The following PRIMPOL variants were observed in gnomAD, a reference collection of about 807,000 sequenced individuals.
PRIMPOL encodes primase and DNA directed polymerase.
Under a neutral mutation model 63.6 loss-of-function variants are expected in PRIMPOL, and 54 were observed. That is an observed-to-expected ratio of 0.85 (90% confidence interval 0.68 to 1.07). The LOEUF is 1.07. Among genes scored for constraint, PRIMPOL ranks in the 50% least tolerant of loss-of-function variants. PRIMPOL has a pLI of 0.00. For missense variants in PRIMPOL, 610 were observed against 648.3 expected (o/e 0.94, Z 0.64); for synonymous variants, 197 against 220.2 (o/e 0.89, Z 0.93).
At chr4:184,694,301 C>A in intron 13 of PRIMPOL, 1 of 1,319,156 alleles carries the variant, frequency 7.6e-7, no homozygotes, top group Non-Finnish European at 9.7e-7. Context: ...TAGGTAATTT[C>A]AAATTTGGAG....
intron 11 of PRIMPOL, among the ~76,000 whole-genome samples, chr4:184,690,907 C>T (rs963366559): frequency 6.6e-6 from 1 of 152,052 alleles, no homozygotes; most frequent in Non-Finnish European, 1.5e-5. Flanking sequence ...TCTTAATTTC[C>T]AAATTATGGA....
intron 3 of PRIMPOL, among the ~76,000 whole-genome samples, chr4:184,658,816 G>A (rs977942915): frequency 6.6e-6 from 1 of 151,540 alleles, no homozygotes; most frequent in African/African-American, 2.4e-5. Flanking sequence ...GCTGAGGCAG[G>A]AGAATCGCTT....
chr4:184,662,569 A>G (rs938331887), intron 5 of PRIMPOL, among the ~76,000 whole-genome samples: 1 of 152,164 alleles, frequency 6.6e-6, no homozygotes, highest in Non-Finnish European at 1.5e-5. Context: ...GATTATTTCA[A>G]AAAAAATTTT....
In PRIMPOL at chr4:184,662,158, A is replaced by G. The variant is rs73873023; in HGVS notation, c.408+255A>G. On this transcript the variant is annotated intron_variant, in intron 5 of 13. Transcript: ENST00000314970. ...TGCTTTGAAAAAGATGTCAGTTTGA[A>G]AATTTTCTATATTTTAAAATTATAT... Among the ~76,000 whole-genome samples the G allele has an allele frequency of 6.9e-3, 1,047 of 152,266 alleles. 13 individuals are homozygous for G. The highest frequency in any genetic ancestry group is 0.024 in the African/African-American group (997 of 41,552).
intron 3 of PRIMPOL, among the ~76,000 whole-genome samples, chr4:184,658,232 G>C (rs1375500629): frequency 6.6e-6 from 1 of 151,682 alleles, no homozygotes; most frequent in Non-Finnish European, 1.5e-5. Flanking sequence ...CTCTAGTAAG[G>C]GTAGGCTTAC....
chr4:184,666,989 A>T (rs116663946), intron 6 of PRIMPOL, among the ~76,000 whole-genome samples: 2 of 152,346 alleles, frequency 1.3e-5, no homozygotes, highest in African/African-American at 4.8e-5. Flanking sequence ...CAAGAGTCCA[A>T]ACAGCAGATG....
At chr4:184,694,170 A>G (rs1181921181) in intron 13 of PRIMPOL, 10 of 1,001,364 alleles carry the variant, frequency 1.0e-5, no homozygotes, top group Non-Finnish European at 1.1e-5. Context: ...TACTAAGTCC[A>G]TTGTCAAGAT....
In PRIMPOL at chr4:184,657,373, T is replaced by C. The variant is rs1746767496; in HGVS notation, c.180+53T>C. 17 of 1,230,672 alleles carry C rather than the reference T, an allele frequency of 1.4e-5. No homozygotes were observed. In the African/African-American group the frequency reaches 1.9e-4, roughly 14 times the overall value. 76.2% of individuals were successfully genotyped at this position (1,230,672 alleles called of 1,614,324 possible). A position where few individuals can be genotyped will look rare whatever the true frequency, so the allele number is the denominator to read the frequency against. On this transcript the variant is annotated intron_variant, in intron 3 of 13. Transcript: ENST00000314970. ...TCCTCCTCTTCCACTTCCTCTTCTT[T>C]CTTCTTCTTCTTCATTATAATTTCA...
intron 10 of PRIMPOL, 33 bp from the exon 11 acceptor site, chr4:184,685,543 A>G (rs755150287): frequency 1.9e-6 from 3 of 1,593,642 alleles, no homozygotes; most frequent in Admixed American, 3.3e-5. Flanking sequence ...TGATAGAGTG[A>G]TAGTAGCTTT....
chr4:184,668,760 C>T (rs1004554326), intron 6 of PRIMPOL, among the ~76,000 whole-genome samples: 1 of 152,120 alleles, frequency 6.6e-6, no homozygotes, highest in Admixed American at 6.6e-5. Context: ...GAGGTCATTT[C>T]CTGTTTTCTT....
chr4:184,688,696 C>T lies in PRIMPOL; in HGVS notation c.1296-2803C>T, dbSNP rs139235508. 7.2e-5 allele frequency among the ~76,000 whole-genome samples: 11 copies of T among 152,304 alleles called. No homozygotes were observed. The East Asian group carries it at 1.2e-3, about 16-fold the overall frequency. On this transcript the variant is annotated intron_variant, in intron 11 of 13. Transcript: ENST00000314970. ...AAGTTGCACAGCTGGGTGACATTTC[C>T]GGAAAGCATGCCTCATAATGCATTG...
intron 1 of PRIMPOL, among the ~76,000 whole-genome samples, chr4:184,651,012 C>T (rs570404917): frequency 5.9e-5 from 9 of 151,676 alleles, no homozygotes; most frequent in Non-Finnish European, 1.3e-4. Flanking sequence ...GGTTAAGTCC[C>T]GGCGCGGTGG....
chr4:184,668,373 G>A (rs1750653103), intron 6 of PRIMPOL, among the ~76,000 whole-genome samples: 1 of 152,254 alleles, frequency 6.6e-6, no homozygotes, highest in Non-Finnish European at 1.5e-5. Flanking sequence ...GCTGGCTAGA[G>A]TGCGCTGATT....
Position 184,672,385 on chromosome 4 carries a change from G to C in PRIMPOL, c.769G>C (p.Glu257Gln). The stretch of plus-strand genomic sequence containing the variant: ...GAAACTGGAGAGGCTGGGGTCAGCT[G>C]AGCAAAGCAGTCCTGACCTTTCATT... ...SKKLERLGSA[E>Q]QSSPDLSFLV... The change falls in exon 7 of 14, where the codon GAG (glutamate) becomes CAG (glutamine). Residue 257 changes from glutamate to glutamine, a missense_variant. Glu to Gln is a conservative substitution (Grantham distance 29, BLOSUM62 2). Coordinates refer to ENST00000314970, the MANE Select transcript of PRIMPOL (RefSeq NM_152683.4). 6.2e-7 allele frequency: 1 copy of C among 1,614,114 alleles called. No homozygotes were observed.
intron 8 of PRIMPOL, among the ~76,000 whole-genome samples, chr4:184,680,770 A>G (rs1755415303): frequency 1.3e-5 from 2 of 152,216 alleles, no homozygotes; most frequent in Non-Finnish European, 2.9e-5. Flanking sequence ...AAAACTGCAC[A>G]TAAAACATTT....
rs377566132 is a variant in PRIMPOL, at chr4:184,691,713, G to C, written c.1425+1G>C. 5 of 1,608,390 alleles carry C rather than the reference G, an allele frequency of 3.1e-6. No homozygotes were observed. Among genetic ancestry groups the C allele is most frequent in the Non-Finnish European group, 3.4e-6 (4 of 1,176,804 alleles). On this transcript the variant is annotated splice_donor_variant, in intron 13 of 13. Transcript: ENST00000314970. LOFTEE classifies it high-confidence loss of function. ...ATGTCTCCTGTTTCTTTTCAAAGAG[G>C]TAAGTACAGATTTTAGTGTCTTTCT...
chr4:184,665,951 T>C lies in PRIMPOL; in HGVS notation c.443T>C (p.Val148Ala). Residue 148 changes from valine to alanine, a missense_variant, in exon 6 of 14, where the codon GTT becomes GCT. This residue lies in a region of PRIMPOL where 159 missense variants were observed against 168.9 expected (regional missense o/e 0.94). Coordinates refer to ENST00000314970, the MANE Select transcript of PRIMPOL (RefSeq NM_152683.4). ...AAAGCACTTCAAGAGTTATACGGTG[T>C]TAATTGCTCAGCTGAAGATGTTTTG... ...VCKALQELYG[V>A]NCSAEDVLNL... 4 of 1,608,800 alleles carry C rather than the reference T, an allele frequency of 2.5e-6. No individual in the cohort carries two copies. Among genetic ancestry groups the C allele is most frequent in the Non-Finnish European group, 3.4e-6 (4 of 1,176,768 alleles).
rs528097124 is a variant in PRIMPOL at position 184,657,405 on chromosome 4, T to TA, written c.180+95dup. The TA allele has an allele frequency of 5.8e-3, 5,509 of 946,414 alleles. 1 individual carries two copies. The highest frequency in any genetic ancestry group is 7.5e-3 in the South Asian group (309 of 41,248). The allele number at this position is 946,414 out of a possible 1,614,324, so 58.6% of individuals were successfully genotyped here. ...CTTCTTCATTATAATTTCAGTTCTT[T>TA]AAAAAAAAAAGTCTATTATTTGTCT... On this transcript the variant is annotated intron_variant, in intron 3 of 13. Transcript: ENST00000314970.
In PRIMPOL at chr4:184,682,335, A is replaced by AG. The variant is rs763277603; in HGVS notation, c.1096+1dup. 2 of 1,552,912 alleles carry AG rather than the reference A, an allele frequency of 1.3e-6. No individual in the cohort carries two copies. On this transcript the variant is annotated frameshift_variant and splice_region_variant, in exon 9 of 14. Transcript: ENST00000314970. LOFTEE classifies it high-confidence loss of function. ...GATATTTTAACAGTATCGGCACTTC[A>AG]GGTAAATTTTTTGATGTTTGTTTTT...
Sources: gnomAD v4.1 joint callset for allele counts (sites outside exome capture counted in the v4.1 genomes callset) on GRCh38, gnomAD v4.1.1 for gene constraint, gnomAD v4.1.1 regional missense constraint, MANE v1.5 for transcripts, NCBI Gene and HGNC (gene_info 2026-07-23, HGNC 2026-07-21) for gene names.